Variants in CMSS1 observed in about 807,000 individuals in gnomAD.
CMSS1 encodes cms1 ribosomal small subunit homolog, also known as protein CMSS1.
In CMSS1, 33 loss-of-function variants were observed where a neutral mutation model predicts 43.5. The ratio of observed to expected loss-of-function variants is 0.76; its 90% CI spans 0.57 to 1.01. CMSS1 has a LOEUF of 1.01. CMSS1 is among the 50% of genes least tolerant of loss of function. CMSS1 has a pLI of 0.00. For synonymous variants in CMSS1, 115 were observed against 117.2 expected (o/e 0.98, Z 0.12); for missense variants, 313 against 326.4 (o/e 0.96, Z 0.32).
chr3:99,977,490 A>G (rs1160200003), intron 1 of CMSS1, among the ~76,000 whole-genome samples: 1 of 152,160 alleles, frequency 6.6e-6, no homozygotes, highest in African/African-American at 2.4e-5. Context: ...AGAGATGTCA[A>G]GGAAGATAGC....
chr3:100,005,414 T>C (rs1048212609), intron 1 of CMSS1, among the ~76,000 whole-genome samples: 5 of 152,170 alleles, frequency 3.3e-5, no homozygotes, highest in African/African-American at 1.2e-4. Context: ...GGAATCTCCT[T>C]GGGTGCTTAT....
At chr3:99,984,287 T>G (rs561584166) in intron 1 of CMSS1, among the ~76,000 whole-genome samples, 17 of 152,266 alleles carry the variant, frequency 1.1e-4, no homozygotes, top group South Asian at 2.1e-4. Flanking sequence ...TCAAACAAAA[T>G]GAAAGGCTAT....
rs573027838 is a variant in CMSS1, at chr3:100,084,692, A to G, written c.65-62281A>G. Reference sequence around the variant, plus strand: ...AAATTGTCACTTACGTATAAACATGAGGATATGGATATTACAGATCAACCT... The same window carrying G: ...AAATTGTCACTTACGTATAAACATGGGGATATGGATATTACAGATCAACCT... On this transcript the variant is annotated intron_variant, in intron 1 of 9. Transcript: ENST00000421999. Among the ~76,000 whole-genome samples the G allele has an allele frequency of 5.3e-5, 8 of 152,352 alleles. No individual in the cohort carries two copies. The South Asian group carries it at 8.3e-4, about 16-fold the overall frequency.
intron 2 of CMSS1, among the ~76,000 whole-genome samples, chr3:100,148,633 A>C (rs2066875125): frequency 1.3e-5 from 2 of 152,158 alleles, no homozygotes; most frequent in Admixed American, 1.3e-4. Context: ...AAATGATAAC[A>C]ATTATTTCTT....
At chr3:100,154,486 A>G (rs1182200987) in intron 2 of CMSS1, among the ~76,000 whole-genome samples, 1 of 152,134 alleles carries the variant, frequency 6.6e-6, no homozygotes, top group Non-Finnish European at 1.5e-5. Flanking sequence ...CCTTGTCAAC[A>G]TTTGGAGTTA....
intron 1 of CMSS1, among the ~76,000 whole-genome samples, chr3:99,842,638 T>A (rs138786827): frequency 6.6e-6 from 1 of 152,168 alleles, no homozygotes; most frequent in East Asian, 1.9e-4. Context: ...CCTCAAATAA[T>A]AAGATAAGTT....
At chr3:100,151,378 G>A (rs2066906704) in intron 2 of CMSS1, among the ~76,000 whole-genome samples, 2 of 152,166 alleles carry the variant, frequency 1.3e-5, no homozygotes, top group Admixed American at 6.5e-5. Context: ...CTCTTGTCAG[G>A]TACCAGCCAA....
At chr3:100,068,370 GT>G (rs2065702758) in intron 1 of CMSS1, among the ~76,000 whole-genome samples, 1 of 152,100 alleles carries the variant, frequency 6.6e-6, no homozygotes, top group Non-Finnish European at 1.5e-5. Flanking sequence ...GTGTGTGTGT[GT>G]GTGTGTGTGT....
intron 1 of CMSS1, chr3:99,849,064 C>T: frequency 6.2e-7 from 1 of 1,614,126 alleles, no homozygotes; most frequent in Middle Eastern, 1.7e-4. Context: ...CTGAAGATGG[C>T]CCTCCTTGGA....
intron 1 of CMSS1, among the ~76,000 whole-genome samples, chr3:100,140,748 C>T (rs2107506946): frequency 6.6e-6 from 1 of 152,070 alleles, no homozygotes; most frequent in South Asian, 2.1e-4. Flanking sequence ...TATGCAATTT[C>T]ATGGGCCCTC....
intron 1 of CMSS1, among the ~76,000 whole-genome samples, chr3:99,855,264 A>G (rs1189328495): frequency 6.6e-6 from 1 of 152,236 alleles, no homozygotes; most frequent in East Asian, 1.9e-4. Flanking sequence ...CTGGGGAACA[A>G]AATGACTCAA....
chr3:99,862,016 G>C (rs1944285580), intron 1 of CMSS1, among the ~76,000 whole-genome samples: 1 of 152,086 alleles, frequency 6.6e-6, no homozygotes, highest in Admixed American at 6.5e-5. Context: ...CATAGTGCCT[G>C]GCACAATACA....
intron 1 of CMSS1, among the ~76,000 whole-genome samples, chr3:99,925,395 C>T (rs1416086802): frequency 2.0e-5 from 3 of 152,110 alleles, no homozygotes; most frequent in Non-Finnish European, 4.4e-5. Flanking sequence ...CTACATCCTT[C>T]TTTTTTTATT....
At chr3:100,059,919 A>G (rs1287557465) in intron 1 of CMSS1, among the ~76,000 whole-genome samples, 1 of 152,144 alleles carries the variant, frequency 6.6e-6, no homozygotes, top group Non-Finnish European at 1.5e-5. Context: ...ATGAGCCTCC[A>G]GTCTGGGGAG....
chr3:100,024,921 G>A (rs2064891184), intron 1 of CMSS1, among the ~76,000 whole-genome samples: 1 of 152,144 alleles, frequency 6.6e-6, no homozygotes, highest in Non-Finnish European at 1.5e-5. Context: ...CTGATATCCT[G>A]GGCTTTTAAT....
In CMSS1 at chr3:100,180,147, AT is replaced by A. The variant is rs34029169; in HGVS notation, c.*1766del. ...GGCCCAGGGCCTAGCCCACGAAACC[AT>A]TTTTTTCCTCCTAGGCCTCTGGGCC... is the stretch of plus-strand genomic sequence containing the variant. On this transcript the variant is annotated 3_prime_UTR_variant, in exon 10 of 10. Transcript: ENST00000421999. 0.41 allele frequency: 62,871 copies of A among 151,894 alleles called. 13,214 individuals are homozygous for A. Among genetic ancestry groups the A allele is most frequent in the African/African-American group, 0.48 (19,818 of 41,402 alleles). The allele number at this position is 151,894 out of a possible 1,614,324, so 9.4% of individuals were successfully genotyped here.
intron 1 of CMSS1, among the ~76,000 whole-genome samples, chr3:100,093,523 G>T (rs1238204781): frequency 6.6e-6 from 1 of 152,004 alleles, no homozygotes; most frequent in African/African-American, 2.4e-5. Flanking sequence ...ACATGCATTT[G>T]TACGGAATAA....
intron 1 of CMSS1, chr3:99,833,144 T>C (rs1402816998): frequency 1.6e-5 from 19 of 1,169,912 alleles, no homozygotes; most frequent in Non-Finnish European, 2.3e-5. Context: ...AGCTCATTCA[T>C]AGAAGAAAAC....
At chr3:100,009,596 A>G (rs1201958725) in intron 1 of CMSS1, among the ~76,000 whole-genome samples, 2 of 152,182 alleles carry the variant, frequency 1.3e-5, no homozygotes, top group African/African-American at 4.8e-5. Context: ...GGCACCTTTC[A>G]TGAACATCAG....
Sources: gnomAD v4.1 joint callset for allele counts (sites outside exome capture counted in the v4.1 genomes callset) on GRCh38, gnomAD v4.1.1 for gene constraint, MANE v1.5 for transcripts, NCBI Gene and HGNC (gene_info 2026-07-23, HGNC 2026-07-21) for gene names.